The following FSD2 variants were observed in gnomAD, a reference collection of about 807,000 sequenced individuals.
FSD2 encodes the protein fibronectin type III and SPRY domain-containing protein 2.
A neutral mutation model predicts 80.4 loss-of-function variants in FSD2; 71 were observed. The observed-to-expected ratio is 0.88, with a 90% confidence interval of 0.73 to 1.08. The LOEUF (loss-of-function observed/expected upper bound fraction) is 1.08, where lower values mean the gene tolerates loss of function less well. Among genes scored for constraint, FSD2 ranks in the 50% least tolerant of loss-of-function variants. FSD2 has a pLI of 0.00. For missense variants in FSD2, 923 were observed against 913.8 expected, an observed-to-expected ratio of 1.01 and a Z score of -0.13; for synonymous variants, 361 against 329.5, an observed-to-expected ratio of 1.10 and a Z score of -1.03.
intron 6 of FSD2, 64 bp from the exon 7 acceptor site, chr15:82,772,292 T>C: frequency 2.0e-6 from 3 of 1,494,030 alleles, no homozygotes; most frequent in South Asian, 1.2e-5. Context: ...CAGTGGCCCC[T>C]TTCCCATGAC....
chr15:82,778,157 T>TATATATATATATA (rs558795727), intron 6 of FSD2, among the ~76,000 whole-genome samples: 1 of 129,890 alleles, frequency 7.7e-6, no homozygotes, highest in African/African-American at 3.2e-5. Flanking sequence ...TATATATATA[T>TATATATATATATA]AATAACTATT....
chr15:82,782,270 A>G (rs1406097160), intron 4 of FSD2, among the ~76,000 whole-genome samples: 10 of 143,932 alleles, frequency 6.9e-5, no homozygotes, highest in Middle Eastern at 3.9e-3. Context: ...CTTGGTGGCG[A>G]GCGCCTGTAG....
chr15:82,759,647 T>G (rs2151482905), intron 12 of FSD2, 47 bp from the exon 13 acceptor site: 2 of 1,400,852 alleles, frequency 1.4e-6, no homozygotes, highest in East Asian at 2.5e-5. Context: ...TTCTATAGAT[T>G]GACTATTTAT....
At chr15:82,776,457 C>T (rs117745024) in intron 6 of FSD2, among the ~76,000 whole-genome samples, 1 of 152,142 alleles carries the variant, frequency 6.6e-6, no homozygotes, top group Non-Finnish European at 1.5e-5. Context: ...TGTACATGTC[C>T]ATTAGGTCCA....
chr15:82,780,343 T>C (rs1026946183), intron 4 of FSD2, 76 bp from the exon 5 acceptor site: 18 of 1,158,914 alleles, frequency 1.6e-5, no homozygotes, highest in Non-Finnish European at 2.1e-5. Flanking sequence ...CTTTCTTTTT[T>C]TTTTTTTCTT....
chr15:82,786,910 A>G lies in FSD2; in HGVS notation c.481T>C (p.Tyr161His), dbSNP rs374064629. ...TCCTCGGGGATGACATAGCATTCAT[A>G]CTCCTCGCTGGCACGGCCGTGTGTG... ...RYTHGRASEEYECYVIPEEED... is the reference protein window; with the variant it reads ...RYTHGRASEEHECYVIPEEED... The change falls in exon 2 of 13, where the codon TAT (tyrosine) becomes CAT (histidine). Residue 161 changes from tyrosine (Y) to histidine (H), a missense_variant. By Grantham distance (83) the Tyr-to-His change is moderately conservative. Coordinates refer to ENST00000334574, the MANE Select transcript of FSD2 (RefSeq NM_001007122.4). 3 of 1,613,394 alleles carry G rather than the reference A, an allele frequency of 1.9e-6. No homozygotes were observed. The highest frequency in any genetic ancestry group is 2.2e-5 in the South Asian group (2 of 91,056).
chr15:82,769,947 T>C, intron 7 of FSD2, 63 bp from the exon 8 acceptor site: 1 of 1,591,878 alleles, frequency 6.3e-7, no homozygotes, highest in Non-Finnish European at 8.6e-7. Flanking sequence ...CAATTCATTA[T>C]GCCGAATCCC....
chr15:82,787,468 C>T lies in FSD2; in HGVS notation c.-78G>A. ...GACACTTAATAGTGAATATCTGGGC[C>T]CTGGAACACAAAAGGAGGAGGAAAA... is the stretch of plus-strand genomic sequence containing the variant. On this transcript the variant is annotated splice_region_variant and 5_prime_UTR_variant, in exon 2 of 13. Transcript: ENST00000334574. The T allele has an allele frequency of 7.2e-7, 1 of 1,396,244 alleles. No homozygotes were observed. The highest frequency in any genetic ancestry group is 9.7e-7 in the Non-Finnish European group (1 of 1,032,876). 86.5% of individuals were successfully genotyped at this position (1,396,244 alleles called of 1,614,324 possible). A position where few individuals can be genotyped will look rare whatever the true frequency, so the allele number is the denominator to read the frequency against.
At chr15:82,786,474 A>C (rs2049999448) in intron 3 of FSD2, 37 bp downstream of exon 3, 2 of 1,467,050 alleles carry the variant, frequency 1.4e-6, no homozygotes, top group Non-Finnish European at 1.9e-6. Flanking sequence ...TGATGGAAGA[A>C]ATGTGAGTCT....
chr15:82,770,532 G>T (rs540308300), intron 7 of FSD2, among the ~76,000 whole-genome samples: 15 of 152,258 alleles, frequency 9.9e-5, no homozygotes, highest in Admixed American at 8.5e-4. Flanking sequence ...TTAGCTGGGC[G>T]TGGTGGCATT....
intron 6 of FSD2, among the ~76,000 whole-genome samples, chr15:82,778,040 G>A (rs1278089471): frequency 4.1e-5 from 6 of 147,434 alleles, no homozygotes; most frequent in Non-Finnish European, 7.4e-5. Flanking sequence ...GGAGGCTGAG[G>A]TGGGAAGATC....
chr15:82,786,580 T>G lies in FSD2; in HGVS notation c.666A>C (p.Lys222Asn). The G allele has an allele frequency of 6.2e-7, 1 of 1,613,618 alleles. No individual in the cohort carries two copies. Among genetic ancestry groups the G allele is most frequent in the Non-Finnish European group, 8.5e-7 (1 of 1,179,678 alleles). ...CCATCTCAATTATCTGCTTTTCCAA[T>G]TTGTACATGTTTTTGTGAATTTCAT... Reference protein sequence around the residue: ...AKDEIHKNMYKLEKQIIEMEN... With the variant: ...AKDEIHKNMYNLEKQIIEMEN... Residue 222 changes from lysine (K) to asparagine (N), a missense_variant, in exon 3 of 13, where the codon AAA becomes AAC. Lys to Asn is a moderately conservative substitution (Grantham distance 94). Transcript: ENST00000334574.
intron 5 of FSD2, 68 bp from the exon 6 acceptor site, chr15:82,778,955 T>TA: frequency 1.3e-6 from 2 of 1,534,490 alleles, no homozygotes; most frequent in Non-Finnish European, 1.8e-6. Flanking sequence ...TATATAGTGC[T>TA]GAGTCACTGT....
chr15:82,791,703 A>G (rs549236020), intron 1 of FSD2, among the ~76,000 whole-genome samples: 1 of 152,300 alleles, frequency 6.6e-6, no homozygotes, highest in East Asian at 1.9e-4. Context: ...CACCTCAAAA[A>G]GAAGCACTGT....
Position 82,759,279 on chromosome 15 carries a change from G to C in FSD2, c.*69C>G, listed in dbSNP as rs1437122263. 6.5e-7 allele frequency: 1 copy of C among 1,535,588 alleles called. No homozygotes were observed. The highest frequency in any genetic ancestry group is 1.9e-5 in the Admixed American group (1 of 52,250). On this transcript the variant is annotated 3_prime_UTR_variant, in exon 13 of 13. Coordinates refer to ENST00000334574, the MANE Select transcript of FSD2 (RefSeq NM_001007122.4). ...ACATGGTGCTTAAGTGCCAGGTTCA[G>C]CCAGCTAAGGCGTGAGCAGCTGCGA...
rs1596220914 is a variant in FSD2, at chr15:82,757,370, T to C, written c.*1978A>G. On this transcript the variant is annotated 3_prime_UTR_variant, in exon 13 of 13. Coordinates refer to ENST00000334574, the MANE Select transcript of FSD2 (RefSeq NM_001007122.4). ...TGAGAACTTTTTTTTTTTTTTTTTT[T>C]GAGATGGAGTCTTGATCTGTGAGCC... 7.8e-6 allele frequency: 1 copy of C among 128,240 alleles called. No individual in the cohort carries two copies. The highest frequency in any genetic ancestry group is 1.7e-5 in the Non-Finnish European group (1 of 58,588). The allele number at this position is 128,240 out of a possible 1,614,324, so 7.9% of individuals were successfully genotyped here. A position where few individuals can be genotyped will look rare whatever the true frequency, so the allele number is the denominator to read the frequency against.
chr15:82,788,443 T>C (rs1253376194), intron 1 of FSD2, among the ~76,000 whole-genome samples: 1 of 146,768 alleles, frequency 6.8e-6, no homozygotes, highest in East Asian at 2.0e-4. Context: ...GGGTGGTGGT[T>C]GCAGTGAGCC....
intron 1 of FSD2, among the ~76,000 whole-genome samples, chr15:82,794,751 G>A (rs1204418951): frequency 1.4e-5 from 2 of 146,074 alleles, no homozygotes; most frequent in Admixed American, 1.4e-4. Flanking sequence ...TTGAGAAGGA[G>A]TCTCGCTCTG....
At chr15:82,775,518 G>A (rs1351926660) in intron 6 of FSD2, among the ~76,000 whole-genome samples, 2 of 152,026 alleles carry the variant, frequency 1.3e-5, no homozygotes. Context: ...GTAGCACTAC[G>A]TTGAATTGGA....
Sources: gnomAD v4.1 joint callset for allele counts (sites outside exome capture counted in the v4.1 genomes callset) on GRCh38, gnomAD v4.1.1 for gene constraint, MANE v1.5 for transcripts, NCBI Gene and HGNC (gene_info 2026-07-23, HGNC 2026-07-21) for gene names.